Variants in TCF4 observed in about 807,000 individuals in gnomAD.
TCF4 encodes transcription factor 4.
In TCF4, 3 loss-of-function variants were observed where a neutral mutation model predicts 82.1. That is an observed-to-expected ratio of 0.04 (90% CI 0.02 to 0.09). The LOEUF (loss-of-function observed/expected upper bound fraction) is 0.09. Ranked by LOEUF, TCF4 falls within the 10% of genes least tolerant of loss-of-function variation. The pLI is 1.00. For synonymous variants in TCF4, 276 were observed against 309.6 expected (o/e 0.89, Z 1.14); for missense variants, 518 against 852.7 (o/e 0.61, Z 4.89).
At chr18:55,466,951 C>G (rs2096038798) in intron 3 of TCF4, among the ~76,000 whole-genome samples, 1 of 152,156 alleles carries the variant, frequency 6.6e-6, no homozygotes, top group African/African-American at 2.4e-5. Flanking sequence ...CACCCTTTCC[C>G]ATTTCCATCT....
intron 6 of TCF4, among the ~76,000 whole-genome samples, chr18:55,365,597 A>C (rs2086799766): frequency 6.6e-6 from 1 of 152,010 alleles, no homozygotes; most frequent in African/African-American, 2.4e-5. Flanking sequence ...AGGCACAAAC[A>C]GGATAAAAAT....
chr18:55,453,943 A>C (rs2095679755), intron 5 of TCF4, among the ~76,000 whole-genome samples: 1 of 151,864 alleles, frequency 6.6e-6, no homozygotes, highest in Non-Finnish European at 1.5e-5. Context: ...CACTGTAGTG[A>C]CCTCAACCTC....
chr18:55,485,973 G>A (rs1278516037), intron 3 of TCF4, among the ~76,000 whole-genome samples: 10 of 152,064 alleles, frequency 6.6e-5, no homozygotes, highest in East Asian at 1.9e-4. Context: ...GAAGTTTTAC[G>A]GTATTTTGGA....
chr18:55,340,616 A>C (rs1603221940), intron 8 of TCF4, among the ~76,000 whole-genome samples: 2 of 151,316 alleles, frequency 1.3e-5, no homozygotes, highest in African/African-American at 4.8e-5. Context: ...AATATTACAT[A>C]ATTTCAGAAA....
At chr18:55,562,429 G>A (rs913737296) in intron 3 of TCF4, among the ~76,000 whole-genome samples, 4 of 152,082 alleles carry the variant, frequency 2.6e-5, no homozygotes, top group African/African-American at 4.8e-5. Context: ...ATCAAACCAC[G>A]GAAATGTATA....
At position 55,359,878 on chromosome 18, in the gene TCF4, T is replaced by C. The variant is rs74563503; in HGVS notation, c.370-8875A>G. Among the ~76,000 whole-genome samples the C allele has an allele frequency of 2.0e-3, 306 of 152,306 alleles. 1 individual carries two copies. The highest frequency in any genetic ancestry group is 7.0e-3 in the African/African-American group (289 of 41,562). ...TCTGTGAGGAAATCAGTTGTATGTTTTTCTAGACACATGATGGCTTACCTT... is the reference window on the plus strand; with the variant it reads ...TCTGTGAGGAAATCAGTTGTATGTTCTTCTAGACACATGATGGCTTACCTT... On this transcript the variant is annotated intron_variant, in intron 6 of 19. Coordinates refer to ENST00000354452, the MANE Select transcript of TCF4 (RefSeq NM_001083962.2).
intron 3 of TCF4, among the ~76,000 whole-genome samples, chr18:55,542,131 A>G (rs1193318541): frequency 6.6e-6 from 1 of 151,982 alleles, no homozygotes; most frequent in African/African-American, 2.4e-5. Context: ...ACAAAACTAT[A>G]TGATGTTATA....
intron 6 of TCF4, among the ~76,000 whole-genome samples, chr18:55,366,618 T>C (rs2087215137): frequency 6.6e-6 from 1 of 152,274 alleles, no homozygotes; most frequent in African/African-American, 2.4e-5. Context: ...AGAGATAATG[T>C]CAACACCTAA....
intron 8 of TCF4, among the ~76,000 whole-genome samples, chr18:55,334,585 C>T (rs2078254824): frequency 1.3e-5 from 2 of 152,142 alleles, no homozygotes; most frequent in Middle Eastern, 3.4e-3. Flanking sequence ...GGAGTCAGTG[C>T]CTTCACCTTT....
chr18:55,351,429 G>A (rs1603289223), intron 6 of TCF4: 1 of 200,190 alleles, frequency 5.0e-6, no homozygotes, highest in South Asian at 8.1e-5. Flanking sequence ...GGGGGTAAGT[G>A]TAGCCTATGA....
At chr18:55,356,879 T>C (rs978272669) in intron 6 of TCF4, among the ~76,000 whole-genome samples, 2 of 152,182 alleles carry the variant, frequency 1.3e-5, no homozygotes, top group Non-Finnish European at 1.5e-5. Context: ...TTAAACAAAA[T>C]TATTTATTTT....
intron 3 of TCF4, among the ~76,000 whole-genome samples, chr18:55,556,238 C>T (rs966522178): frequency 6.6e-6 from 1 of 151,808 alleles, no homozygotes; most frequent in Non-Finnish European, 1.5e-5. Context: ...TTTTTTTCCA[C>T]AATGCTCTGT....
intron 3 of TCF4, among the ~76,000 whole-genome samples, chr18:55,554,966 T>C (rs986289976): frequency 6.6e-6 from 1 of 152,230 alleles, no homozygotes; most frequent in Non-Finnish European, 1.5e-5. Context: ...TCCCTTTCTT[T>C]ATTCAATTCA....
Position 55,538,024 on chromosome 18 carries a change from G to GCACACACA in TCF4, c.145+47255_145+47256insTGTGTGTG, listed in dbSNP as rs201229643. Among the ~76,000 whole-genome samples the GCACACACA allele has an allele frequency of 2.0e-4, 25 of 125,708 alleles. 1 individual carries two copies. The highest frequency in any genetic ancestry group is 7.5e-4 in the African/African-American group (24 of 31,998). 82.5% of individuals were successfully genotyped at this position (125,708 alleles called of 152,430 possible). On this transcript the variant is annotated intron_variant, in intron 3 of 19. Transcript: ENST00000354452. ...GTCTGGATTTTGCTAGTCTGCGCGC[G>GCACACACA]CGCACACACACACACACACACACAC... is the stretch of plus-strand genomic sequence containing the variant.
chr18:55,524,507 A>G (rs898949994), intron 3 of TCF4, among the ~76,000 whole-genome samples: 7 of 152,208 alleles, frequency 4.6e-5, no homozygotes, highest in Non-Finnish European at 1.0e-4. Flanking sequence ...TCTTTAAATG[A>G]GCCTTTCATG....
rs563359754 is a variant in TCF4 at position 55,633,229 on chromosome 18, T to C, written c.196-1841A>G. Among the ~76,000 whole-genome samples, 34 of 152,310 alleles carry C rather than the reference T, an allele frequency of 2.2e-4. No homozygotes were observed. Among genetic ancestry groups the C allele is most frequent in the African/African-American group, 7.2e-4 (30 of 41,572 alleles). The stretch of plus-strand genomic sequence containing the variant: ...CTGGGCCTGCAAGTCAGCAAGTTCC[T>C]CTAAAGGATTGACCAAGCCTGCAGT... On this transcript the variant is annotated intron_variant, in intron 1 of 20. Transcript: ENST00000398339. The surrounding 1 kb of genome is among the most constrained non-coding windows in gnomAD (Gnocchi z 4.0).
chr18:55,472,649 T>A (rs2096209709), intron 3 of TCF4, among the ~76,000 whole-genome samples: 1 of 152,110 alleles, frequency 6.6e-6, no homozygotes, highest in Admixed American at 6.6e-5. Context: ...CACTTAAAAA[T>A]CAGTCTTAAC....
At chr18:55,491,306 G>C (rs959430851) in intron 3 of TCF4, among the ~76,000 whole-genome samples, 22 of 152,052 alleles carry the variant, frequency 1.4e-4, no homozygotes, top group African/African-American at 5.3e-4. Context: ...ACAATGAATG[G>C]AAGACATACT....
At chr18:55,358,431 C>T (rs147380348) in intron 6 of TCF4, among the ~76,000 whole-genome samples, 5 of 152,316 alleles carry the variant, frequency 3.3e-5, no homozygotes, top group African/African-American at 1.2e-4. Flanking sequence ...ATAGCAGGAG[C>T]AGCAGCAGCT....
Sources: allele counts gnomAD v4.1 joint callset (sites outside exome capture counted in the v4.1 genomes callset), GRCh38; gene constraint gnomAD v4.1.1; non-coding constraint Gnocchi (gnomAD v3.1); transcripts MANE v1.5; gene names NCBI Gene and HGNC (gene_info 2026-07-23, HGNC 2026-07-21).